Variants in ACKR2 observed in about 807,000 individuals in gnomAD.
The protein encoded by ACKR2 is atypical chemokine receptor 2.
For synonymous variants in ACKR2, 207 were observed against 192.2 expected (o/e 1.08, Z -0.64); for missense variants, 457 against 477.3 (o/e 0.96, Z 0.40).
In ACKR2 at chr3:42,862,042, C is replaced by T. The variant is rs536394174; in HGVS notation, c.-37-2424C>T. 6.6e-5 allele frequency among the ~76,000 whole-genome samples: 10 copies of T among 152,194 alleles called. 1 individual carries two copies. The South Asian group carries it at 1.0e-3, about 16-fold the overall frequency. ...ATCAGGCAAAGAGAAAGAAATAAAG[C>T]GTATTCGAATAGGAAGAGAGGAAGT... On this transcript the variant is annotated intron_variant, in intron 2 of 2. Transcript: ENST00000422265.
chr3:42,825,862 T>G (rs1700857916), intron 2 of ACKR2, among the ~76,000 whole-genome samples: 1 of 109,014 alleles, frequency 9.2e-6, no homozygotes, highest in African/African-American at 2.9e-5. Context: ...TTTTTTTTTT[T>G]TTGTTTTTTT....
intron 2 of ACKR2, among the ~76,000 whole-genome samples, chr3:42,828,963 T>G (rs1700901440): frequency 1.3e-5 from 2 of 152,184 alleles, no homozygotes; most frequent in South Asian, 4.1e-4. Flanking sequence ...TCACATTTAT[T>G]GACAGTCAGT....
intron 2 of ACKR2, among the ~76,000 whole-genome samples, chr3:42,840,976 C>T (rs1402879058): frequency 6.6e-6 from 1 of 152,230 alleles, no homozygotes; most frequent in Non-Finnish European, 1.5e-5. Context: ...AGGTGTGAGT[C>T]AAGGAGCCTG....
intron 2 of ACKR2, among the ~76,000 whole-genome samples, chr3:42,836,823 G>T (rs1325296113): frequency 2.6e-5 from 4 of 152,192 alleles, no homozygotes; most frequent in Non-Finnish European, 5.9e-5. Flanking sequence ...CAGGACTAGT[G>T]TATGAAATGG....
chr3:42,864,876 CTAT>C lies in ACKR2; in HGVS notation c.377_379del (p.Ile126del), dbSNP rs755123392. 1.9e-6 allele frequency: 3 copies of C among 1,614,070 alleles called. No homozygotes were observed. In the African/African-American group the frequency reaches 4.0e-5, roughly 22 times the overall value. Reference sequence around the variant, plus strand: ...TGCAAGATGGTGAGCACTCTTTATACTATTAACTTTTACAGTGGCATCTTTTTC... The same window carrying C: ...TGCAAGATGGTGAGCACTCTTTATACTAACTTTTACAGTGGCATCTTTTTC... On this transcript the variant is annotated inframe_deletion, in exon 3 of 3. Transcript: ENST00000422265.
Position 42,859,381 on chromosome 3 carries a change from A to AT in ACKR2, c.-37-5070dup, listed in dbSNP as rs1209301411. Among the ~76,000 whole-genome samples, 992 of 141,390 alleles carry AT rather than the reference A, an allele frequency of 7.0e-3. 1 individual carries two copies. The highest frequency in any genetic ancestry group is 0.022 in the East Asian group (105 of 4,874). The allele number at this position is 141,390 out of a possible 152,430, so 92.8% of individuals were successfully genotyped here. A position where few individuals can be genotyped will look rare whatever the true frequency, so the allele number is the denominator to read the frequency against. On this transcript the variant is annotated intron_variant, in intron 2 of 2. Transcript: ENST00000422265. ...AGTGGGGGTCCAATATTCAACATTC[A>AT]TTTTTTTTTTTTTTTGAGACAGAGT...
intron 2 of ACKR2, chr3:42,851,005 G>GAGC (rs1336795625): frequency 6.6e-6 from 1 of 152,580 alleles, no homozygotes; most frequent in Non-Finnish European, 1.5e-5. Flanking sequence ...ATCTTGCTGA[G>GAGC]AAGGTATCCA....
chr3:42,847,954 A>G (rs1263741195), intron 2 of ACKR2, among the ~76,000 whole-genome samples: 1 of 152,122 alleles, frequency 6.6e-6, no homozygotes, highest in South Asian at 2.1e-4. Flanking sequence ...AGGTCTCCCA[A>G]CCACCTGCCC....
chr3:42,813,648 AG>A (rs1157336522), intron 1 of ACKR2, among the ~76,000 whole-genome samples: 1 of 152,220 alleles, frequency 6.6e-6, no homozygotes, highest in Non-Finnish European at 1.5e-5. Flanking sequence ...TCCAACACTG[AG>A]AATGACAATT....
chr3:42,862,227 G>C (rs2125625419), intron 2 of ACKR2, among the ~76,000 whole-genome samples: 1 of 152,060 alleles, frequency 6.6e-6, no homozygotes, highest in South Asian at 2.1e-4. Flanking sequence ...GTAACAGACA[G>C]AGAGCTAAAT....
At position 42,865,919 on chromosome 3, in the gene ACKR2, T is replaced by C. The variant is rs555719663; in HGVS notation, c.*262T>C. The C allele has an allele frequency of 1.5e-4, 51 of 350,832 alleles. No individual in the cohort carries two copies. Among genetic ancestry groups the C allele is most frequent in the East Asian group, 8.8e-4 (16 of 18,140 alleles). 21.7% of individuals were successfully genotyped at this position (350,832 alleles called of 1,614,324 possible). The stretch of plus-strand genomic sequence containing the variant: ...GCTTCCTTCCTTCCTTCCTTCCCTC[T>C]CTCCCTCCCTCCCTCCCTCGCTTCT... On this transcript the variant is annotated 3_prime_UTR_variant, in exon 3 of 3. Coordinates refer to ENST00000422265, the MANE Select transcript of ACKR2 (RefSeq NM_001296.5).
At chr3:42,825,179 G>T (rs1700850081) in intron 2 of ACKR2, among the ~76,000 whole-genome samples, 1 of 152,086 alleles carries the variant, frequency 6.6e-6, no homozygotes, top group African/African-American at 2.4e-5. Flanking sequence ...AGTTGTTTTG[G>T]CTATTCTGGG....
At chr3:42,844,095 T>C (rs1701067796) in intron 2 of ACKR2, 1 of 152,236 alleles carries the variant, frequency 6.6e-6, no homozygotes, top group African/African-American at 2.4e-5. Context: ...GAAATAGCCC[T>C]GGAGCAGACT....
chr3:42,827,454 G>T (rs1325889290), intron 2 of ACKR2, among the ~76,000 whole-genome samples: 2 of 152,108 alleles, frequency 1.3e-5, no homozygotes, highest in Non-Finnish European at 2.9e-5. Flanking sequence ...GAGCCATGTT[G>T]TAACTGTATC....
chr3:42,861,598 C>T (rs1251333260), intron 2 of ACKR2, among the ~76,000 whole-genome samples: 2 of 152,126 alleles, frequency 1.3e-5, no homozygotes, highest in East Asian at 1.9e-4. Flanking sequence ...TGATGAACAT[C>T]GATGCAAAAA....
chr3:42,864,547 C>T lies in ACKR2; in HGVS notation c.45C>T (p.Ala15=), dbSNP rs769342379. ...ASPQPLATED[A]DSENSSFYYY... ...CGCAGCCACTCGCCACTGAGGATGC[C>T]GATTCTGAGAATAGCAGCTTCTATT... Residue 15 remains alanine (A), a synonymous_variant, in exon 3 of 3, where the codon GCC becomes GCT. Coordinates refer to ENST00000422265, the MANE Select transcript of ACKR2 (RefSeq NM_001296.5). 9 of 1,612,226 alleles carry T rather than the reference C, an allele frequency of 5.6e-6. No homozygotes were observed. In the South Asian group the frequency reaches 7.7e-5, roughly 14 times the overall value.
At chr3:42,842,924 A>G (rs1701053914) in intron 2 of ACKR2, among the ~76,000 whole-genome samples, 1 of 147,210 alleles carries the variant, frequency 6.8e-6, no homozygotes, top group Non-Finnish European at 1.5e-5. Context: ...TGGAGGTTGC[A>G]GTGAGCCCCA....
At chr3:42,828,255 G>A (rs1200687124) in intron 2 of ACKR2, among the ~76,000 whole-genome samples, 2 of 151,804 alleles carry the variant, frequency 1.3e-5, no homozygotes, top group Non-Finnish European at 2.9e-5. Context: ...GATTACAGAT[G>A]CCTGCCACCA....
At chr3:42,854,119 G>A (rs754811597) in intron 2 of ACKR2, among the ~76,000 whole-genome samples, 4 of 152,272 alleles carry the variant, frequency 2.6e-5, no homozygotes, top group Admixed American at 6.5e-5. Context: ...ACAAAAGAGG[G>A]TTCGCTGAGT....
Sources: allele counts gnomAD v4.1 joint callset (sites outside exome capture counted in the v4.1 genomes callset), GRCh38; gene constraint gnomAD v4.1.1; transcripts MANE v1.5; gene names NCBI Gene and HGNC (gene_info 2026-07-23, HGNC 2026-07-21).